Variants in EBF2 observed in about 807,000 individuals in gnomAD.
EBF2 encodes the protein transcription factor COE2.
Under a neutral mutation model 72.8 loss-of-function variants are expected in EBF2, and 21 were observed. That is an observed-to-expected ratio of 0.29 (90% confidence interval 0.20 to 0.42). The LOEUF is 0.42. Among genes scored for constraint, EBF2 ranks in the 10% least tolerant of loss-of-function variants. EBF2 has a pLI of 1.00. For synonymous variants in EBF2, 299 were observed against 274.2 expected (o/e 1.09, Z -0.89); for missense variants, 637 against 731.2 (o/e 0.87, Z 1.49).
intron 5 of EBF2, among the ~76,000 whole-genome samples, chr8:26,036,909 TA>T (rs1312665700): frequency 2.6e-5 from 4 of 151,862 alleles, no homozygotes; most frequent in South Asian, 2.1e-4. Flanking sequence ...AAAAAAGTAA[TA>T]AAAAAATAAA....
chr8:25,936,952 T>C (rs1735169820), intron 6 of EBF2, among the ~76,000 whole-genome samples: 1 of 152,076 alleles, frequency 6.6e-6, no homozygotes, highest in Non-Finnish European at 1.5e-5. Context: ...TAATTCCTAT[T>C]AAAGACCGAT....
chr8:25,929,690 T>C lies in EBF2; in HGVS notation c.552-21135A>G, dbSNP rs915584316. Among the ~76,000 whole-genome samples, 6 of 152,298 alleles carry C rather than the reference T, an allele frequency of 3.9e-5. No individual in the cohort carries two copies. The East Asian group carries it at 1.2e-3, about 29-fold the overall frequency. The stretch of plus-strand genomic sequence containing the variant: ...TCAGGATCCTTTGGTCCACAATGAC[T>C]CCCTCCTTGGGACGTCTAAACACAC... On this transcript the variant is annotated intron_variant, in intron 6 of 15. Coordinates refer to ENST00000520164, the MANE Select transcript of EBF2 (RefSeq NM_022659.4).
intron 6 of EBF2, among the ~76,000 whole-genome samples, chr8:25,977,168 A>T (rs888574240): frequency 2.6e-5 from 4 of 152,210 alleles, no homozygotes; most frequent in Non-Finnish European, 5.9e-5. Flanking sequence ...TCTGACTATC[A>T]GGCAGCTCTG....
At chr8:25,933,725 C>T (rs1373779348) in intron 6 of EBF2, among the ~76,000 whole-genome samples, 2 of 152,030 alleles carry the variant, frequency 1.3e-5, no homozygotes. Flanking sequence ...AGAAATACTA[C>T]ATAATTATTT....
At position 25,858,481 on chromosome 8, in the gene EBF2, T is replaced by G; in HGVS notation, c.1366A>C (p.Ile456Leu). 1 of 1,613,828 alleles carries G rather than the reference T, an allele frequency of 6.2e-7. No individual in the cohort carries two copies. Among genetic ancestry groups the G allele is most frequent in the Non-Finnish European group, 8.5e-7 (1 of 1,179,982 alleles). The change falls in exon 14 of 16, where the codon ATC becomes CTC. Residue 456 changes from isoleucine to leucine, a missense_variant. Ile to Leu is a conservative substitution (Grantham distance 5). This residue lies in a region of EBF2 where 259 missense variants were observed against 268.1 expected (regional missense o/e 0.97). Transcript: ENST00000520164. The stretch of plus-strand genomic sequence containing the variant: ...CTGGAAGAGTATCCCCGCGGAGAGA[T>G]GCTGCTTGTGTTGCGGATGTACCCT... ...NQGYIRNTSS[I>L]SPRGYSSSST...
chr8:25,955,003 G>C (rs1452937568), intron 6 of EBF2, among the ~76,000 whole-genome samples: 2 of 152,214 alleles, frequency 1.3e-5, no homozygotes, highest in African/African-American at 4.8e-5. Context: ...TTGTGCAGCC[G>C]CTGTAAACAA....
intron 7 of EBF2, among the ~76,000 whole-genome samples, chr8:25,893,880 A>G (rs561469328): frequency 1.3e-5 from 2 of 152,384 alleles, no homozygotes; most frequent in East Asian, 3.9e-4. Flanking sequence ...TATTAACAAT[A>G]GAAATAAATT....
chr8:25,913,260 G>A lies in EBF2; in HGVS notation c.552-4705C>T, dbSNP rs1803157390. 2.0e-5 allele frequency among the ~76,000 whole-genome samples: 3 copies of A among 152,080 alleles called. No homozygotes were observed. In the South Asian group the frequency reaches 6.2e-4, roughly 32 times the overall value. ...GATCGAGACCATCCTGACCAACGTG[G>A]TGAAGCCCCATCTCTACTAAAAATA... On this transcript the variant is annotated intron_variant, in intron 6 of 15. Transcript: ENST00000520164.
chr8:25,866,411 C>A lies in EBF2; in HGVS notation c.1010-3614G>T, dbSNP rs976948337. 2.1e-5 allele frequency among the ~76,000 whole-genome samples: 3 copies of A among 144,156 alleles called. No individual in the cohort carries two copies. In the Admixed American group the frequency reaches 2.1e-4, roughly 10 times the overall value. 94.6% of individuals were successfully genotyped at this position (144,156 alleles called of 152,430 possible). On this transcript the variant is annotated intron_variant, in intron 10 of 15. Transcript: ENST00000520164. ...AGAAAATCACAGTCACATGAATTTT[C>A]TCTTTTGGCCAGATTTTTTATTTAT...
chr8:25,934,729 G>C (rs1014702576), intron 6 of EBF2, among the ~76,000 whole-genome samples: 17 of 152,206 alleles, frequency 1.1e-4, no homozygotes, highest in Non-Finnish European at 1.8e-4. Context: ...GTGAGAGTGT[G>C]ACACTTCAGA....
At chr8:25,923,293 C>T (rs1042342517) in intron 6 of EBF2, among the ~76,000 whole-genome samples, 29 of 152,238 alleles carry the variant, frequency 1.9e-4, no homozygotes, top group African/African-American at 6.8e-4. Flanking sequence ...AGGAAATCAT[C>T]TAGTTTCATA....
intron 6 of EBF2, among the ~76,000 whole-genome samples, chr8:25,969,617 T>C (rs1255557207): frequency 6.6e-6 from 1 of 152,202 alleles, no homozygotes. Context: ...AGAGCCCATC[T>C]TAGGGCATAG....
At chr8:25,872,346 C>T (rs1212310207) in intron 10 of EBF2, among the ~76,000 whole-genome samples, 1 of 152,184 alleles carries the variant, frequency 6.6e-6, no homozygotes, top group African/African-American at 2.4e-5. Context: ...TTGGCTGCCA[C>T]TCTGGGGATG....
At chr8:25,922,977 G>T (rs893306418) in intron 6 of EBF2, among the ~76,000 whole-genome samples, 1 of 151,282 alleles carries the variant, frequency 6.6e-6, no homozygotes, top group East Asian at 1.9e-4. Context: ...AAATTCATCC[G>T]TTGGAGAATC....
At chr8:25,940,351 G>A (rs192315469) in intron 6 of EBF2, among the ~76,000 whole-genome samples, 100 of 152,322 alleles carry the variant, frequency 6.6e-4, no homozygotes, top group Middle Eastern at 6.8e-3. Flanking sequence ...ACAGGGAGTT[G>A]ACGTGACTTG....
intron 6 of EBF2, among the ~76,000 whole-genome samples, chr8:25,982,184 GTTGAAGTTCTTC>G (rs1804373081): frequency 6.6e-6 from 1 of 152,272 alleles, no homozygotes; most frequent in South Asian, 2.1e-4. Context: ...TTCAAAAACA[GTTGAAGTTCTTC>G]TTTTCCCATA....
chr8:25,852,888 CTTT>C (rs886869883), intron 14 of EBF2, among the ~76,000 whole-genome samples: 1 of 151,012 alleles, frequency 6.6e-6, no homozygotes, highest in African/African-American at 2.4e-5. Flanking sequence ...TGTTTAAAAA[CTTT>C]TTTTAAGTAG....
intron 10 of EBF2, among the ~76,000 whole-genome samples, chr8:25,877,735 T>C (rs1585272227): frequency 6.6e-6 from 1 of 152,206 alleles, no homozygotes; most frequent in East Asian, 1.9e-4. Context: ...AGGACTCTCC[T>C]TCTAGAAAGT....
intron 6 of EBF2, among the ~76,000 whole-genome samples, chr8:26,002,310 TC>T (rs1440370271): frequency 6.6e-6 from 1 of 152,182 alleles, no homozygotes; most frequent in Admixed American, 6.5e-5. Context: ...GTTGCTCCGT[TC>T]TTGGATAAGG....
Sources: gnomAD v4.1 joint callset for allele counts (sites outside exome capture counted in the v4.1 genomes callset) on GRCh38, gnomAD v4.1.1 for gene constraint, gnomAD v4.1.1 regional missense constraint, MANE v1.5 for transcripts, NCBI Gene and HGNC (gene_info 2026-07-23, HGNC 2026-07-21) for gene names.